SRD5A3: variants seen among roughly 807,000 people sequenced by gnomAD.
SRD5A3 encodes steroid 5 alpha-reductase 3.
Under a neutral mutation model 34.3 loss-of-function variants are expected in SRD5A3, and 24 were observed. The observed-to-expected ratio is 0.70, with a 90% CI of 0.51 to 0.99. The LOEUF is 0.99. Ranked by LOEUF, SRD5A3 falls within the 50% of genes least tolerant of loss-of-function variation. The pLI, the probability that SRD5A3 is intolerant of heterozygous loss-of-function variation, is 0.00. For missense variants in SRD5A3, 350 were observed against 388.2 expected, an observed-to-expected ratio of 0.90 and a Z score of 0.83; for synonymous variants, 161 against 167.3, an observed-to-expected ratio of 0.96 and a Z score of 0.29.
intron 3 of SRD5A3, among the ~76,000 whole-genome samples, 156 bp from the exon 4 acceptor site, chr4:55,367,432 G>A (rs528606208): frequency 2.0e-4 from 31 of 152,272 alleles, no homozygotes; most frequent in African/African-American, 7.5e-4. Context: ...TCGGGATATT[G>A]AGGAACAGGT....
At chr4:55,353,957 A>C (rs1719320831) in intron 1 of SRD5A3, among the ~76,000 whole-genome samples, 1 of 152,200 alleles carries the variant, frequency 6.6e-6, no homozygotes, top group South Asian at 2.1e-4. Context: ...ACACAATAGC[A>C]CCTGCTGGTC....
chr4:55,369,652 G>A (rs1720045678), intron 4 of SRD5A3, 180 bp from the exon 5 acceptor site: 1 of 664,434 alleles, frequency 1.5e-6, no homozygotes, highest in Admixed American at 2.8e-5. Context: ...GATTGCCTGG[G>A]CCTGGAAGGT....
chr4:55,366,046 C>G (rs2109482794), intron 3 of SRD5A3, among the ~76,000 whole-genome samples: 2 of 152,356 alleles, frequency 1.3e-5, no homozygotes, highest in Middle Eastern at 6.8e-3. Flanking sequence ...GACTTATTCC[C>G]TGCTTTATCC....
chr4:55,359,049 T>C (rs1264281970), intron 1 of SRD5A3: 2 of 391,062 alleles, frequency 5.1e-6, no homozygotes, highest in African/African-American at 4.1e-5. Flanking sequence ...AGTCCAATTC[T>C]GTTACCCAGC....
intron 3 of SRD5A3, chr4:55,364,566 A>C: frequency 2.7e-6 from 1 of 375,678 alleles, no homozygotes; most frequent in Non-Finnish European, 5.1e-6. Context: ...AAAAAAAAAA[A>C]TTAGCCAGGC....
chr4:55,354,968 C>T (rs1264299524), intron 1 of SRD5A3, among the ~76,000 whole-genome samples: 2 of 152,202 alleles, frequency 1.3e-5, no homozygotes, highest in Non-Finnish European at 2.9e-5. Flanking sequence ...TCATTCAGCA[C>T]CTTGTATTAT....
At chr4:55,365,301 C>T (rs775475524) in intron 3 of SRD5A3, among the ~76,000 whole-genome samples, 4 of 152,160 alleles carry the variant, frequency 2.6e-5, no homozygotes, top group Admixed American at 1.3e-4. Flanking sequence ...ATGAGTGCCC[C>T]GTGAAAGTCG....
intron 1 of SRD5A3, chr4:55,352,362 A>T (rs1330735261): frequency 1.1e-5 from 9 of 786,106 alleles, no homozygotes; most frequent in Middle Eastern, 3.6e-4. Context: ...GAGACTAAGC[A>T]TTCACTTCAT....
At chr4:55,352,065 G>C (rs896040802) in intron 1 of SRD5A3, 2 of 772,028 alleles carry the variant, frequency 2.6e-6, no homozygotes, top group African/African-American at 1.7e-5. Context: ...CCATACTTCT[G>C]CTCCAATTTC....
chr4:55,362,463 CTTTTT>C, intron 2 of SRD5A3, among the ~76,000 whole-genome samples: 1 of 151,228 alleles, frequency 6.6e-6, no homozygotes, highest in Middle Eastern at 3.5e-3. Flanking sequence ...CTTTCTTTTT[CTTTTT>C]TTAAGAGAGA....
At chr4:55,352,165 TTTTATGGAAAAG>T (rs1439801370) in intron 1 of SRD5A3, 1 of 885,598 alleles carries the variant, frequency 1.1e-6, no homozygotes, top group Non-Finnish European at 1.9e-6. Flanking sequence ...CTGGTTTGGC[TTTTATGGAAAAG>T]TTGATAAAGG....
chr4:55,362,277 G>T (rs147820794), intron 2 of SRD5A3, among the ~76,000 whole-genome samples: 1 of 151,448 alleles, frequency 6.6e-6, no homozygotes, highest in Non-Finnish European at 1.5e-5. Context: ...ACAGGCATGC[G>T]CCACCATGCC....
intron 4 of SRD5A3, among the ~76,000 whole-genome samples, chr4:55,368,848 C>T (rs1252671706): frequency 6.6e-6 from 1 of 152,118 alleles, no homozygotes; most frequent in Non-Finnish European, 1.5e-5. Flanking sequence ...AAGCAATTCT[C>T]ATGCCTCAGC....
In SRD5A3 at chr4:55,364,108, A is replaced by G. The variant is rs1322174896; in HGVS notation, c.399A>G (p.Leu133=). Residue 133 remains leucine, a synonymous_variant, in exon 3 of 5, where the codon CTA becomes CTG. Coordinates refer to ENST00000264228, the MANE Select transcript of SRD5A3 (RefSeq NM_024592.5). ...TGGCACTGTCTGCATTCTTAGTGCT[A>G]GTATTTCTGTGGCTGCACAGCTTAC... is the stretch of plus-strand genomic sequence containing the variant. ...GELALSAFLV[L]VFLWLHSLRR... 6.2e-7 allele frequency: 1 copy of G among 1,614,212 alleles called. No homozygotes were observed. The highest frequency in any genetic ancestry group is 1.1e-5 in the South Asian group (1 of 91,074).
At position 55,367,835 on chromosome 4, in the gene SRD5A3, G is replaced by A. The variant is rs993544491; in HGVS notation, c.697+113G>A. ...TAGTTAGTTGACTGTATCAAATATT[G>A]ATTTTTGGCAAGACACTTCTCTGGG... On this transcript the variant is annotated intron_variant, in intron 4 of 4. Coordinates refer to ENST00000264228, the MANE Select transcript of SRD5A3 (RefSeq NM_024592.5). 3 of 1,404,974 alleles carry A rather than the reference G, an allele frequency of 2.1e-6. No individual in the cohort carries two copies. In the African/African-American group the frequency reaches 4.3e-5, roughly 20 times the overall value. 87.0% of individuals were successfully genotyped at this position (1,404,974 alleles called of 1,614,324 possible).
intron 1 of SRD5A3, chr4:55,352,012 T>G (rs1328624235): frequency 1.3e-6 from 1 of 765,778 alleles, no homozygotes; most frequent in Non-Finnish European, 2.4e-6. Context: ...GTGTACATGG[T>G]AATCCTTCAA....
intron 1 of SRD5A3, among the ~76,000 whole-genome samples, chr4:55,357,925 T>C (rs1719531245): frequency 6.6e-6 from 1 of 152,200 alleles, no homozygotes; most frequent in Non-Finnish European, 1.5e-5. Context: ...TGCCATGGAA[T>C]GATCAGGTTG....
chr4:55,352,118 T>C (rs1719216732), intron 1 of SRD5A3: 1 of 795,004 alleles, frequency 1.3e-6, no homozygotes, highest in Non-Finnish European at 2.3e-6. Flanking sequence ...AGGAATACAC[T>C]TGGTATACAG....
chr4:55,359,592 C>T, intron 2 of SRD5A3, 104 bp downstream of exon 2: 1 of 1,484,220 alleles, frequency 6.7e-7, no homozygotes, highest in Non-Finnish European at 9.3e-7. Context: ...GGCACCTCCT[C>T]AGAAGGGCCT....
Sources: allele counts gnomAD v4.1 joint callset (sites outside exome capture counted in the v4.1 genomes callset), GRCh38; gene constraint gnomAD v4.1.1; transcripts MANE v1.5; gene names NCBI Gene and HGNC (gene_info 2026-07-23, HGNC 2026-07-21).